NDFIP2: variants seen among roughly 807,000 people sequenced by gnomAD.
NDFIP2 encodes NEDD4 family-interacting protein 2.
Under a neutral mutation model 36.0 loss-of-function variants are expected in NDFIP2, and 19 were observed. The ratio of observed to expected loss-of-function variants is 0.53; its 90% CI spans 0.37 to 0.77. The LOEUF (loss-of-function observed/expected upper bound fraction) is 0.77, where lower values mean the gene tolerates loss of function less well. NDFIP2 is among the 30% of genes least tolerant of loss of function. The probability of loss-of-function intolerance (pLI) is 0.00; values close to 1 mark genes in which losing one functional copy is unlikely to be tolerated. For missense variants in NDFIP2, 446 were observed against 435.8 expected (o/e 1.02, Z -0.21); for synonymous variants, 181 against 167.7 (o/e 1.08, Z -0.61).
rs543004156 is a variant in NDFIP2, at chr13:79,492,269, T to C, written c.321+10745T>C. On this transcript the variant is annotated intron_variant, in intron 1 of 7. Transcript: ENST00000218652. The stretch of plus-strand genomic sequence containing the variant: ...AGTGACACCTTTTTTTTTTTTTTTT[T>C]CCTTTCTTTATAAGTGTTCAAAGTG... Among the ~76,000 whole-genome samples, 371 of 151,042 alleles carry C rather than the reference T, an allele frequency of 2.5e-3. 3 individuals carry two copies. The highest frequency in any genetic ancestry group is 8.6e-3 in the African/African-American group (353 of 40,862).
intron 1 of NDFIP2, among the ~76,000 whole-genome samples, chr13:79,493,998 T>C (rs933670704): frequency 6.6e-6 from 1 of 152,150 alleles, no homozygotes; most frequent in Non-Finnish European, 1.5e-5. Context: ...TTTTTCTCCT[T>C]GGTGGGGAAG....
At chr13:79,547,580 A>T (rs1028729137) in intron 5 of NDFIP2, among the ~76,000 whole-genome samples, 6 of 152,162 alleles carry the variant, frequency 3.9e-5, no homozygotes, top group Non-Finnish European at 8.8e-5. Context: ...ATGAAGTGTG[A>T]TGTCTAGAGT....
intron 1 of NDFIP2, among the ~76,000 whole-genome samples, chr13:79,513,135 G>C (rs990742087): frequency 5.3e-5 from 8 of 152,286 alleles, no homozygotes; most frequent in Admixed American, 2.6e-4. Context: ...AGCCATGCTG[G>C]CTGGGTACCA....
At chr13:79,546,273 G>A (rs143755799) in intron 5 of NDFIP2, among the ~76,000 whole-genome samples, 261 of 152,164 alleles carry the variant, frequency 1.7e-3, no homozygotes, top group Middle Eastern at 3.4e-3. Context: ...TCTGAGCTGC[G>A]ATGAACCTCG....
Position 79,555,233 on chromosome 13 carries a change from A to G in NDFIP2, c.*2720A>G, listed in dbSNP as rs867359447. 1.4e-5 allele frequency: 2 copies of G among 147,850 alleles called. No individual in the cohort carries two copies. The highest frequency in any genetic ancestry group is 5.0e-5 in the African/African-American group (2 of 39,910). 9.2% of individuals were successfully genotyped at this position (147,850 alleles called of 1,614,324 possible). ...ATTCAGAGTTCCTTCATTAAATATA[A>G]TTTTTTTCATCTAGTATGTACTATT... On this transcript the variant is annotated 3_prime_UTR_variant, in exon 8 of 8. Transcript: ENST00000218652.
chr13:79,544,834 G>A (rs913073162), intron 5 of NDFIP2, among the ~76,000 whole-genome samples: 1 of 152,016 alleles, frequency 6.6e-6, no homozygotes, highest in African/African-American at 2.4e-5. Flanking sequence ...TAGCTTTCCA[G>A]GGTTTCAGTA....
intron 4 of NDFIP2, among the ~76,000 whole-genome samples, chr13:79,543,118 C>T (rs773662798): frequency 1.3e-5 from 2 of 152,168 alleles, no homozygotes; most frequent in Non-Finnish European, 2.9e-5. Flanking sequence ...CTCAGCTGAT[C>T]CCCCTGCCTT....
intron 4 of NDFIP2, among the ~76,000 whole-genome samples, chr13:79,540,344 C>A (rs1401257113): frequency 6.6e-6 from 1 of 152,118 alleles, no homozygotes; most frequent in African/African-American, 2.4e-5. Flanking sequence ...TAAATTTAAT[C>A]TTCTTGAGGG....
In NDFIP2 at chr13:79,520,822, G is replaced by A; in HGVS notation, c.334G>A (p.Glu112Lys). Residue 112 changes from glutamate to lysine, a missense_variant, in exon 2 of 8, where the codon GAG becomes AAG. Glu to Lys is a moderately conservative substitution (Grantham distance 56). Coordinates refer to ENST00000218652, the MANE Select transcript of NDFIP2 (RefSeq NM_019080.3). ...TTTGTTCTCTTAGCTTCTTAATGAAGAGGATAACTCAGAATCATCGGCTAT... is the reference window on the plus strand; with the variant it reads ...TTTGTTCTCTTAGCTTCTTAATGAAAAGGATAACTCAGAATCATCGGCTAT... Reference protein sequence around the residue: ...TGRYQVLLNEEDNSESSAIEQ... With the variant: ...TGRYQVLLNEKDNSESSAIEQ... 1.2e-6 allele frequency: 2 copies of A among 1,603,966 alleles called. No individual in the cohort carries two copies. Among genetic ancestry groups the A allele is most frequent in the East Asian group, 2.2e-5 (1 of 44,728 alleles).
intron 5 of NDFIP2, 31 bp downstream of exon 5, chr13:79,543,713 A>G: frequency 1.2e-6 from 2 of 1,603,586 alleles, no homozygotes; most frequent in Non-Finnish European, 1.7e-6. Flanking sequence ...TATCTCTTTT[A>G]TCTCTAAAAT....
rs1454824183 is a variant in NDFIP2, at chr13:79,542,505, G to GTTT, written c.716-1049_716-1047dup. Among the ~76,000 whole-genome samples, 126 of 149,386 alleles carry GTTT rather than the reference G, an allele frequency of 8.4e-4. 3 individuals carry two copies. In the Middle Eastern group the frequency reaches 0.01, roughly 12 times the overall value. Reference sequence around the variant, plus strand: ...GTTGATGGTTTTTTTGTGTTGTTCTGTTTTTTGTTTTTTTTTTCAGACATT... The same window carrying GTTT: ...GTTGATGGTTTTTTTGTGTTGTTCTGTTTTTTTTTGTTTTTTTTTTCAGACATT... On this transcript the variant is annotated intron_variant, in intron 4 of 7. Coordinates refer to ENST00000218652, the MANE Select transcript of NDFIP2 (RefSeq NM_019080.3).
intron 5 of NDFIP2, among the ~76,000 whole-genome samples, chr13:79,547,706 A>C (rs544685790): frequency 1.5e-4 from 23 of 152,200 alleles, no homozygotes; most frequent in Admixed American, 3.3e-4. Context: ...ACTAATAGGA[A>C]CTGTTGAAAT....
chr13:79,512,702 GTCT>G (rs950537211), intron 1 of NDFIP2, among the ~76,000 whole-genome samples: 2 of 152,148 alleles, frequency 1.3e-5, no homozygotes, highest in Non-Finnish European at 2.9e-5. Flanking sequence ...TCACATCCCA[GTCT>G]TCTTGGTTCT....
chr13:79,496,383 G>A (rs1873433673), intron 1 of NDFIP2, among the ~76,000 whole-genome samples: 1 of 151,730 alleles, frequency 6.6e-6, no homozygotes, highest in Non-Finnish European at 1.5e-5. Context: ...ATTTCCTCCT[G>A]ACCACCATGG....
At chr13:79,492,189 T>C (rs1873247802) in intron 1 of NDFIP2, among the ~76,000 whole-genome samples, 1 of 152,120 alleles carries the variant, frequency 6.6e-6, no homozygotes, top group Non-Finnish European at 1.5e-5. Flanking sequence ...CCTTTACTAA[T>C]TTTGGGGGTC....
Position 79,554,655 on chromosome 13 carries a change from A to G in NDFIP2, c.*2142A>G, listed in dbSNP as rs368435397. 5.3e-5 allele frequency: 8 copies of G among 151,974 alleles called. No individual in the cohort carries two copies. In the East Asian group the frequency reaches 7.7e-4, roughly 15 times the overall value. 9.4% of individuals were successfully genotyped at this position (151,974 alleles called of 1,614,324 possible). ...GGGGAATCAGAATGTTATTTTCAAGAACTTAATGTTCCCTTCAGATATATA... is the reference window on the plus strand; with the variant it reads ...GGGGAATCAGAATGTTATTTTCAAGGACTTAATGTTCCCTTCAGATATATA... On this transcript the variant is annotated 3_prime_UTR_variant, in exon 8 of 8. Transcript: ENST00000218652.
chr13:79,545,496 A>G (rs972108927), intron 5 of NDFIP2, among the ~76,000 whole-genome samples: 3 of 152,192 alleles, frequency 2.0e-5, no homozygotes, highest in African/African-American at 7.2e-5. Context: ...ACTGAGTTAG[A>G]GTTAATGTTA....
At chr13:79,509,937 A>G (rs2140753912) in intron 1 of NDFIP2, among the ~76,000 whole-genome samples, 1 of 152,256 alleles carries the variant, frequency 6.6e-6, no homozygotes, top group South Asian at 2.1e-4. Flanking sequence ...AGTTGATTAG[A>G]TGGTGCCCAC....
intron 1 of NDFIP2, among the ~76,000 whole-genome samples, chr13:79,509,690 T>TTGAGAGAGAG (rs1555356910): frequency 4.6e-4 from 68 of 147,920 alleles, no homozygotes; most frequent in African/African-American, 1.7e-3. Context: ...TATATATATA[T>TTGAGAGAGAG]AGAGAGAGAG....
Sources: allele counts gnomAD v4.1 joint callset (sites outside exome capture counted in the v4.1 genomes callset), GRCh38; gene constraint gnomAD v4.1.1; transcripts MANE v1.5; gene names NCBI Gene and HGNC (gene_info 2026-07-23, HGNC 2026-07-21).